PKHD1: variants seen among roughly 807,000 people sequenced by gnomAD.
PKHD1 encodes the protein PKHD1 ciliary IPT domain containing fibrocystin/polyductin, also known as fibrocystin.
In PKHD1, 291 loss-of-function variants were observed where a neutral mutation model predicts 412.0. The observed-to-expected ratio is 0.71, with a 90% CI of 0.64 to 0.78. The LOEUF (loss-of-function observed/expected upper bound fraction) is 0.78, where lower values mean the gene tolerates loss of function less well. PKHD1 is among the 30% of genes least tolerant of loss of function. The pLI is 0.00. For missense variants in PKHD1, 4,825 were observed against 4,950.7 expected (o/e 0.97, Z 0.76); for synonymous variants, 1,777 against 1,821.5 (o/e 0.98, Z 0.62).
chr6:51,891,472 T>C (rs1319445918), intron 43 of PKHD1, among the ~76,000 whole-genome samples: 1 of 151,906 alleles, frequency 6.6e-6, no homozygotes, highest in Non-Finnish European at 1.5e-5. Flanking sequence ...AGAAATGGGG[T>C]TTCTCCATGT....
chr6:51,668,199 G>T (rs373516749), intron 60 of PKHD1, among the ~76,000 whole-genome samples: 1 of 152,000 alleles, frequency 6.6e-6, no homozygotes, highest in East Asian at 1.9e-4. Flanking sequence ...TCTTCCATTT[G>T]TTTGTATCCT....
At chr6:51,934,365 G>A in intron 36 of PKHD1, 43 bp from the exon 37 acceptor site, 2 of 1,328,456 alleles carry the variant, frequency 1.5e-6, no homozygotes, top group South Asian at 1.2e-5. Context: ...GGAGGATAAG[G>A]CTTACCGTTT....
intron 37 of PKHD1, among the ~76,000 whole-genome samples, chr6:51,924,510 T>G (rs1785217630): frequency 6.6e-6 from 1 of 152,214 alleles, no homozygotes; most frequent in African/African-American, 2.4e-5. Flanking sequence ...AACAGATTTG[T>G]GTTTTTAAAA....
intron 51 of PKHD1, 74 bp from the exon 52 acceptor site, chr6:51,831,063 G>A: frequency 8.8e-7 from 1 of 1,140,042 alleles, no homozygotes; most frequent in Non-Finnish European, 1.3e-6. Context: ...ATTTTAGGAT[G>A]CTAGTGGTAT....
intron 35 of PKHD1, among the ~76,000 whole-genome samples, chr6:51,984,068 C>T (rs1402306820): frequency 6.6e-6 from 1 of 152,108 alleles, no homozygotes; most frequent in Non-Finnish European, 1.5e-5. Context: ...TTTGAAAACT[C>T]TGAGTTATGA....
At chr6:51,713,429 C>G (rs1185041840) in intron 60 of PKHD1, among the ~76,000 whole-genome samples, 2 of 152,208 alleles carry the variant, frequency 1.3e-5, no homozygotes, top group Admixed American at 6.5e-5. Context: ...CTTGACTCCT[C>G]CTCCTCTACT....
chr6:52,075,154 T>C (rs1428661677), intron 6 of PKHD1, among the ~76,000 whole-genome samples: 2 of 152,142 alleles, frequency 1.3e-5, no homozygotes, highest in Admixed American at 6.5e-5. Context: ...TTCAGACAAA[T>C]GGAAAGGAGC....
intron 48 of PKHD1, among the ~76,000 whole-genome samples, chr6:51,865,235 A>T (rs1334717651): frequency 1.3e-5 from 2 of 152,178 alleles, no homozygotes; most frequent in East Asian, 3.8e-4. Flanking sequence ...ACTCACGCAG[A>T]TCAAGCATGC....
At chr6:51,778,921 A>T (rs1174105144) in intron 53 of PKHD1, among the ~76,000 whole-genome samples, 1 of 152,044 alleles carries the variant, frequency 6.6e-6, no homozygotes, top group Admixed American at 6.6e-5. Flanking sequence ...TTTTACCTTC[A>T]TCTTAACTAA....
intron 36 of PKHD1, among the ~76,000 whole-genome samples, chr6:51,937,083 T>C (rs1292417150): frequency 6.6e-6 from 1 of 152,222 alleles, no homozygotes; most frequent in African/African-American, 2.4e-5. Context: ...TTCATCTGCA[T>C]AATAAGAACC....
At chr6:51,715,625 T>C (rs1470300183) in intron 60 of PKHD1, among the ~76,000 whole-genome samples, 5 of 152,172 alleles carry the variant, frequency 3.3e-5, no homozygotes, top group African/African-American at 1.2e-4. Context: ...CATTTCTGCT[T>C]TGTCTTTTTG....
intron 60 of PKHD1, among the ~76,000 whole-genome samples, chr6:51,707,743 A>T (rs1279091589): frequency 6.6e-6 from 1 of 152,122 alleles, no homozygotes; most frequent in African/African-American, 2.4e-5. Flanking sequence ...TAAAGTCTAT[A>T]TTATCAGATC....
chr6:51,633,700 A>T (rs1768201267), intron 64 of PKHD1, among the ~76,000 whole-genome samples: 1 of 152,196 alleles, frequency 6.6e-6, no homozygotes, highest in African/African-American at 2.4e-5. Flanking sequence ...ACAAAACTAT[A>T]GAGTTAAAGA....
At chr6:51,631,954 T>A (rs1024550654) in intron 65 of PKHD1, among the ~76,000 whole-genome samples, 41 of 150,314 alleles carry the variant, frequency 2.7e-4, no homozygotes, top group Non-Finnish European at 5.2e-4. Context: ...TTTTTTTTTT[T>A]ATTGTGACAG....
chr6:51,950,618 A>G (rs984396909), intron 36 of PKHD1, among the ~76,000 whole-genome samples: 2 of 152,152 alleles, frequency 1.3e-5, no homozygotes, highest in African/African-American at 4.8e-5. Flanking sequence ...TACAGTTTGT[A>G]TAAGTTACCA....
chr6:51,807,510 T>TGTGTGTGA (rs1283466584), intron 52 of PKHD1, among the ~76,000 whole-genome samples: 27 of 146,972 alleles, frequency 1.8e-4, no homozygotes, highest in Non-Finnish European at 3.7e-4. Context: ...TGTGTGTGTG[T>TGTGTGTGA]GTGTGTGTGT....
chr6:52,050,382 T>A, intron 21 of PKHD1, 87 bp from the exon 22 acceptor site: 1 of 1,308,384 alleles, frequency 7.6e-7, no homozygotes, highest in South Asian at 1.2e-5. Context: ...TGTGAGTTAC[T>A]CAGATCTCAG....
intron 52 of PKHD1, among the ~76,000 whole-genome samples, chr6:51,805,099 C>G (rs1763563024): frequency 6.6e-6 from 1 of 152,128 alleles, no homozygotes; most frequent in African/African-American, 2.4e-5. Context: ...CACAGCACTG[C>G]TCTCAGTAGC....
chr6:52,026,697 T>C (rs554080749), intron 31 of PKHD1, among the ~76,000 whole-genome samples: 6 of 152,312 alleles, frequency 3.9e-5, no homozygotes, highest in African/African-American at 1.4e-4. Context: ...ATATTCTATT[T>C]ATTGTACCAT....
Sources: gnomAD v4.1 joint callset for allele counts (sites outside exome capture counted in the v4.1 genomes callset) on GRCh38, gnomAD v4.1.1 for gene constraint, MANE v1.5 for transcripts, NCBI Gene and HGNC (gene_info 2026-07-23, HGNC 2026-07-21) for gene names.